Variants in TRAPPC10 observed in about 807,000 individuals in gnomAD.
TRAPPC10 encodes the protein trafficking protein particle complex subunit 10, also known as TRAPP 130 kDa subunit.
A neutral mutation model predicts 125.5 loss-of-function variants in TRAPPC10; 23 were observed. The observed-to-expected ratio is 0.18, with a 90% CI of 0.13 to 0.26. The LOEUF is 0.26. Ranked by LOEUF, TRAPPC10 falls within the 10% of genes least tolerant of loss-of-function variation. The probability of loss-of-function intolerance (pLI) is 1.00; values close to 1 mark genes in which losing one functional copy is unlikely to be tolerated. For synonymous variants in TRAPPC10, 509 were observed against 518.0 expected, an observed-to-expected ratio of 0.98 and a Z score of 0.24; for missense variants, 1,123 against 1,308.4, an observed-to-expected ratio of 0.86 and a Z score of 2.19.
rs564632786 is a variant in TRAPPC10 at position 44,077,611 on chromosome 21, G to A, written c.1378-82G>A. The A allele has an allele frequency of 5.8e-4, 632 of 1,095,830 alleles. 13 individuals are homozygous for A. The South Asian group carries it at 8.9e-3, about 15-fold the overall frequency. 67.9% of individuals were successfully genotyped at this position (1,095,830 alleles called of 1,614,324 possible). On this transcript the variant is annotated intron_variant, in intron 10 of 22. Coordinates refer to ENST00000291574, the MANE Select transcript of TRAPPC10 (RefSeq NM_003274.5). ...AAACAAAAACCCAACAATGTCTTTT[G>A]TGTGAGCTTTAGGTGAATAAATGTA...
intron 1 of TRAPPC10, among the ~76,000 whole-genome samples, chr21:44,014,592 TG>T (rs1424665281): frequency 1.6e-4 from 19 of 120,980 alleles, no homozygotes; most frequent in African/African-American, 7.4e-4. Context: ...TGTTTGTTTT[TG>T]TTTTTTTTTT....
intron 7 of TRAPPC10, among the ~76,000 whole-genome samples, chr21:44,072,154 A>AT (rs1282713179): frequency 3.3e-5 from 5 of 152,252 alleles, no homozygotes; most frequent in Admixed American, 6.5e-5. Context: ...TTCTATAATC[A>AT]TGCCATGCAG....
intron 4 of TRAPPC10, 105 bp from the exon 5 acceptor site, chr21:44,055,593 A>AAAG: frequency 1.2e-6 from 1 of 802,742 alleles, no homozygotes; most frequent in South Asian, 2.6e-5. Context: ...AAAAAAAAAA[A>AAAG]GGAGGAGGAA....
At chr21:44,033,879 A>G (rs2033781957) in intron 2 of TRAPPC10, among the ~76,000 whole-genome samples, 1 of 152,176 alleles carries the variant, frequency 6.6e-6, no homozygotes, top group South Asian at 2.1e-4. Context: ...AAATAAAAAG[A>G]AACTGTGTAG....
intron 15 of TRAPPC10, among the ~76,000 whole-genome samples, chr21:44,085,497 C>T (rs1020411979): frequency 2.6e-5 from 4 of 152,106 alleles, no homozygotes; most frequent in Admixed American, 1.3e-4. Flanking sequence ...CCAGTCGGGG[C>T]AGGATGACAA....
intron 10 of TRAPPC10, among the ~76,000 whole-genome samples, chr21:44,077,061 C>T (rs934623631): frequency 2.0e-5 from 3 of 152,054 alleles, no homozygotes; most frequent in Non-Finnish European, 4.4e-5. Flanking sequence ...GCAACTTGAG[C>T]GTTTGGTCTG....
Position 44,059,552 on chromosome 21 carries a change from C to A in TRAPPC10, c.790+338C>A. On this transcript the variant is annotated intron_variant, in intron 6 of 22. Coordinates refer to ENST00000291574, the MANE Select transcript of TRAPPC10 (RefSeq NM_003274.5). The surrounding 1 kb of genome is among the most constrained non-coding windows in gnomAD (Gnocchi z 4.4). ...TAGAATCAGAGTGGACGTCCCTTTGCCTTCCATCCAGGGGTTATCTTTGGA... is the reference window on the plus strand; with the variant it reads ...TAGAATCAGAGTGGACGTCCCTTTGACTTCCATCCAGGGGTTATCTTTGGA... 1 of 723,708 alleles carries A rather than the reference C, an allele frequency of 1.4e-6. No homozygotes were observed. The highest frequency in any genetic ancestry group is 2.6e-5 in the East Asian group (1 of 38,434). The allele number at this position is 723,708 out of a possible 1,614,324, so 44.8% of individuals were successfully genotyped here. A position where few individuals can be genotyped will look rare whatever the true frequency, so the allele number is the denominator to read the frequency against.
intron 1 of TRAPPC10, among the ~76,000 whole-genome samples, chr21:44,014,182 A>G (rs1375583242): frequency 6.6e-6 from 1 of 152,230 alleles, no homozygotes; most frequent in Non-Finnish European, 1.5e-5. Flanking sequence ...CTGAGGAGAA[A>G]GTTCCTAAGC....
At chr21:44,028,053 T>C (rs1032249836) in intron 1 of TRAPPC10, among the ~76,000 whole-genome samples, 1 of 152,226 alleles carries the variant, frequency 6.6e-6, no homozygotes, top group Admixed American at 6.5e-5. Flanking sequence ...ATGTTACCTG[T>C]TACACTAAAT....
Position 44,082,918 on chromosome 21 carries a change from G to T in TRAPPC10, c.1854G>T (p.Val618=). The change falls in exon 14 of 23, where the codon GTG becomes GTT. Residue 618 remains valine (V), a synonymous_variant. Transcript: ENST00000291574. The surrounding 1 kb of genome is among the most constrained non-coding windows in gnomAD (Gnocchi z 4.4). ...VEITMYSQMP[V]PVHVEQIVVN... is the part of the protein sequence containing the mutation. ...TAACCATGTACAGCCAGATGCCTGTGCCTGTTCACGTGGAGCAGATTGTGG... is the reference window on the plus strand; with the variant it reads ...TAACCATGTACAGCCAGATGCCTGTTCCTGTTCACGTGGAGCAGATTGTGG... 1 of 1,614,146 alleles carries T rather than the reference G, an allele frequency of 6.2e-7. No homozygotes were observed. Among genetic ancestry groups the T allele is most frequent in the Non-Finnish European group, 8.5e-7 (1 of 1,180,032 alleles).
chr21:44,091,083 C>T (rs372155553), intron 18 of TRAPPC10, among the ~76,000 whole-genome samples: 3 of 151,988 alleles, frequency 2.0e-5, no homozygotes, highest in Admixed American at 6.5e-5. Flanking sequence ...CCCAGCTACT[C>T]GGGAGGCTGA....
At chr21:44,055,566 A>C in intron 4 of TRAPPC10, 132 bp from the exon 5 acceptor site, 2 of 715,920 alleles carry the variant, frequency 2.8e-6, no homozygotes, top group Non-Finnish European at 2.2e-6. Flanking sequence ...CCACAGAGCA[A>C]AACTCTGTCT....
intron 14 of TRAPPC10, 59 bp from the exon 15 acceptor site, chr21:44,084,063 A>G (rs985409087): frequency 6.2e-6 from 10 of 1,604,592 alleles, no homozygotes; most frequent in Non-Finnish European, 8.5e-6. Flanking sequence ...GCGCTACCGC[A>G]GGAAGCTAAC....
chr21:44,077,920 A>AT (rs571176106), intron 11 of TRAPPC10, 136 bp downstream of exon 11: 427 of 513,306 alleles, frequency 8.3e-4, no homozygotes, highest in Non-Finnish European at 9.6e-4. Context: ...AGTCCTCATA[A>AT]TTTTTTTTTC....
chr21:44,013,790 C>G (rs559250097), intron 1 of TRAPPC10, among the ~76,000 whole-genome samples: 15 of 152,276 alleles, frequency 9.9e-5, no homozygotes, highest in South Asian at 8.3e-4. Flanking sequence ...TGGACTGTGT[C>G]TCATTTAAAA....
intron 3 of TRAPPC10, among the ~76,000 whole-genome samples, chr21:44,047,956 T>A (rs562679712): frequency 6.6e-6 from 1 of 152,310 alleles, no homozygotes; most frequent in Admixed American, 6.5e-5. Context: ...AGCTTTATGA[T>A]TTGATAGGTC....
rs754681411 is a variant in TRAPPC10, at chr21:44,087,708, C to A, written c.2549C>A (p.Ser850Tyr). 1 of 1,613,590 alleles carries A rather than the reference C, an allele frequency of 6.2e-7. No individual in the cohort carries two copies. The highest frequency in any genetic ancestry group is 2.2e-5 in the East Asian group (1 of 44,884). Reference protein sequence around the residue: ...VVYSNTREQSSEAALRIQSSD... With the variant: ...VVYSNTREQSYEAALRIQSSD... ...TTTCTGTCCTTCGTAGAACAGTCTT[C>A]TGAGGCCGCGCTCCGGATTCAGTCC... Residue 850 changes from serine (S) to tyrosine (Y), a missense_variant, in exon 17 of 23, where the codon TCT becomes TAT. This residue lies in a region of TRAPPC10 where 840 missense variants were observed against 902.0 expected (regional missense o/e 0.93). Transcript: ENST00000291574. This position sits in a 1 kb window ranked among gnomAD's most constrained non-coding sequence, Gnocchi z 4.6.
chr21:44,022,450 ATT>A (rs71197876), intron 1 of TRAPPC10, among the ~76,000 whole-genome samples: 4 of 96,960 alleles, frequency 4.1e-5, no homozygotes, highest in Non-Finnish European at 7.3e-5. Context: ...TGCCCAGCTA[ATT>A]TTTTTTTTTT....
intron 1 of TRAPPC10, among the ~76,000 whole-genome samples, chr21:44,020,894 A>C (rs2147160947): frequency 6.6e-6 from 1 of 152,298 alleles, no homozygotes; most frequent in South Asian, 2.1e-4. Context: ...GTTTAGTAGC[A>C]CAGCTCGGAC....
Sources: gnomAD v4.1 joint callset for allele counts (sites outside exome capture counted in the v4.1 genomes callset) on GRCh38, gnomAD v4.1.1 for gene constraint, gnomAD v4.1.1 regional missense constraint, Gnocchi (gnomAD v3.1) non-coding constraint, MANE v1.5 for transcripts, NCBI Gene and HGNC (gene_info 2026-07-23, HGNC 2026-07-21) for gene names.